EIF4E1B: variants seen among roughly 807,000 people sequenced by gnomAD.
EIF4E1B encodes eukaryotic translation initiation factor 4E family member 1B, also known as eukaryotic translation initiation factor 4E type 1B.
Under a neutral mutation model 31.3 loss-of-function variants are expected in EIF4E1B, and 22 were observed. The observed-to-expected ratio is 0.70, with a 90% confidence interval of 0.50 to 1.00. The LOEUF is 1.00. EIF4E1B is among the 50% of genes least tolerant of loss of function. EIF4E1B has a pLI of 0.00. For synonymous variants in EIF4E1B, 126 were observed against 120.2 expected, an observed-to-expected ratio of 1.05 and a Z score of -0.31; for missense variants, 290 against 311.6, an observed-to-expected ratio of 0.93 and a Z score of 0.52.
At position 176,646,549 on chromosome 5, in the gene EIF4E1B, C is replaced by G. The variant is rs1337637795; in HGVS notation, c.*569C>G. 1.3e-5 allele frequency: 2 copies of G among 152,402 alleles called. No homozygotes were observed. The highest frequency in any genetic ancestry group is 4.8e-5 in the African/African-American group (2 of 41,420). The allele number at this position is 152,402 out of a possible 1,614,324, so 9.4% of individuals were successfully genotyped here. ...TGGAGGGATGCTGGGCTAGGCCTCACCAAGGTTCTGGTAGAAGTGGTGGAA... is the reference window on the plus strand; with the variant it reads ...TGGAGGGATGCTGGGCTAGGCCTCAGCAAGGTTCTGGTAGAAGTGGTGGAA... On this transcript the variant is annotated 3_prime_UTR_variant, in exon 9 of 9. Transcript: ENST00000318682.
intron 4 of EIF4E1B, 131 bp downstream of exon 4, chr5:176,643,397 A>AGGTC: frequency 1.6e-6 from 2 of 1,220,650 alleles, no homozygotes; most frequent in Non-Finnish European, 2.3e-6. Context: ...GGGCTGACCT[A>AGGTC]AGCCTTGGGC....
chr5:176,644,450 C>T lies in EIF4E1B; in HGVS notation c.360+11C>T, dbSNP rs1049774702. The T allele has an allele frequency of 6.3e-6, 10 of 1,592,002 alleles. No homozygotes were observed. The highest frequency in any genetic ancestry group is 8.6e-6 in the Non-Finnish European group (10 of 1,168,992). ...TACGCCCTCTTCAAGGTAAGCTCTG[C>T]TCTCCTCTTTCCCTCCCGCAAAGGG... On this transcript the variant is annotated intron_variant, in intron 6 of 8. Transcript: ENST00000318682.
At chr5:176,632,219 A>C (rs1433961675) in intron 1 of EIF4E1B, among the ~76,000 whole-genome samples, 1 of 152,214 alleles carries the variant, frequency 6.6e-6, no homozygotes, top group Non-Finnish European at 1.5e-5. Context: ...CTTATATACA[A>C]ACATACACAT....
chr5:176,635,027 G>C (rs116094744), intron 1 of EIF4E1B, among the ~76,000 whole-genome samples: 2,816 of 152,124 alleles, frequency 0.019, 83 homozygotes, highest in African/African-American at 0.059. Context: ...GCCCCACTGG[G>C]TTTGGAGTCA....
At position 176,646,141 on chromosome 5, in the gene EIF4E1B, T is replaced by G; in HGVS notation, c.*161T>G. ...TTAACATGAGTTGGGGCCTGAGCCT[T>G]AGGGGCTAGATGGGGGTAGTGGTGG... On this transcript the variant is annotated 3_prime_UTR_variant, in exon 9 of 9. Coordinates refer to ENST00000318682, the MANE Select transcript of EIF4E1B (RefSeq NM_001099408.2). 1 of 640,046 alleles carries G rather than the reference T, an allele frequency of 1.6e-6. No homozygotes were observed. Among genetic ancestry groups the G allele is most frequent in the Non-Finnish European group, 2.7e-6 (1 of 365,106 alleles). 39.6% of individuals were successfully genotyped at this position (640,046 alleles called of 1,614,324 possible).
intron 1 of EIF4E1B, among the ~76,000 whole-genome samples, chr5:176,634,222 G>A (rs1040409868): frequency 6.6e-6 from 1 of 152,152 alleles, no homozygotes; most frequent in Non-Finnish European, 1.5e-5. Context: ...GCAGACACTA[G>A]GGTATCTGAG....
chr5:176,645,753 A>G lies in EIF4E1B; in HGVS notation c.615-113A>G, dbSNP rs979195772. 8.8e-7 allele frequency: 1 copy of G among 1,139,888 alleles called. No individual in the cohort carries two copies. Among genetic ancestry groups the G allele is most frequent in the Non-Finnish European group, 1.2e-6 (1 of 816,122 alleles). 70.6% of individuals were successfully genotyped at this position (1,139,888 alleles called of 1,614,324 possible). On this transcript the variant is annotated intron_variant, in intron 8 of 8. Coordinates refer to ENST00000318682, the MANE Select transcript of EIF4E1B (RefSeq NM_001099408.2). This position sits in a 1 kb window ranked among gnomAD's most constrained non-coding sequence, Gnocchi z 5.4. ...TTGGGTTTCCACATGGGTAAGACAC[A>G]ACAGGTGTGGCTGTGGCCAGAATGA...
intron 1 of EIF4E1B, among the ~76,000 whole-genome samples, chr5:176,640,601 G>A (rs1389686266): frequency 6.6e-6 from 1 of 152,084 alleles, no homozygotes; most frequent in Non-Finnish European, 1.5e-5. Flanking sequence ...GACTACATTA[G>A]CATCCTAGTC....
chr5:176,640,495 ATCT>A (rs1432300315), intron 1 of EIF4E1B, among the ~76,000 whole-genome samples: 1 of 152,186 alleles, frequency 6.6e-6, no homozygotes, highest in Non-Finnish European at 1.5e-5. Flanking sequence ...TCCAGGGCCT[ATCT>A]ATCACTAAAT....
chr5:176,634,819 G>A (rs1267319713), intron 1 of EIF4E1B, among the ~76,000 whole-genome samples: 6 of 151,624 alleles, frequency 4.0e-5, no homozygotes, highest in South Asian at 2.1e-4. Flanking sequence ...ACAGGCACCC[G>A]CCACCACACC....
rs1760679015 is a variant in EIF4E1B, at chr5:176,645,500, G to A, written c.598G>A (p.Gly200Ser). Reference sequence around the variant, plus strand: ...GACGAGGGAGGCGGAAAACCAGGCGGGCGTGCTGCACGTTGGGTGAGGAGG... The same window carrying A: ...GACGAGGGAGGCGGAAAACCAGGCGAGCGTGCTGCACGTTGGGTGAGGAGG... ...VWTREAENQA[G>S]VLHVGRVYKE... Residue 200 changes from glycine (G) to serine (S), a missense_variant, in exon 8 of 9, where the codon GGC becomes AGC. Transcript: ENST00000318682. This position sits in a 1 kb window ranked among gnomAD's most constrained non-coding sequence, Gnocchi z 5.4. 1 of 1,518,472 alleles carries A rather than the reference G, an allele frequency of 6.6e-7. No individual in the cohort carries two copies. Among genetic ancestry groups the A allele is most frequent in the Non-Finnish European group, 8.8e-7 (1 of 1,135,834 alleles). The allele number at this position is 1,518,472 out of a possible 1,614,324, so 94.1% of individuals were successfully genotyped here.
intron 6 of EIF4E1B, 150 bp downstream of exon 6, chr5:176,644,589 C>A: frequency 1.1e-6 from 1 of 897,036 alleles, no homozygotes; most frequent in Non-Finnish European, 1.7e-6. Context: ...AGGAAATGCT[C>A]TACAGGAGCC....
chr5:176,645,498 C>A lies in EIF4E1B; in HGVS notation c.596C>A (p.Ala199Glu). 4 of 1,515,642 alleles carry A rather than the reference C, an allele frequency of 2.6e-6. No homozygotes were observed. The highest frequency in any genetic ancestry group is 2.3e-5 in the East Asian group (1 of 43,194). 93.9% of individuals were successfully genotyped at this position (1,515,642 alleles called of 1,614,324 possible). ...TGGACGAGGGAGGCGGAAAACCAGG[C>A]GGGCGTGCTGCACGTTGGGTGAGGA... ...AVWTREAENQ[A>E]GVLHVGRVYK... Residue 199 changes from alanine to glutamate, a missense_variant, in exon 8 of 9, where the codon GCG becomes GAG. Physicochemically the swap from Ala to Glu is moderately radical, Grantham distance 107. Coordinates refer to ENST00000318682, the MANE Select transcript of EIF4E1B (RefSeq NM_001099408.2). The surrounding 1 kb of genome is among the most constrained non-coding windows in gnomAD (Gnocchi z 5.4).
chr5:176,642,866 G>GA, intron 3 of EIF4E1B, 64 bp downstream of exon 3: 1 of 501,542 alleles, frequency 2.0e-6, no homozygotes, highest in Non-Finnish European at 2.8e-6. Flanking sequence ...CCCCCCCCCC[G>GA]CCCCAGGTGG....
chr5:176,642,851 T>TACCCCCC, intron 3 of EIF4E1B, 49 bp downstream of exon 3: 2 of 998,544 alleles, frequency 2.0e-6, no homozygotes, highest in Non-Finnish European at 1.3e-6. Context: ...CCCCGCCCTC[T>TACCCCCC]CCCCCCCCCC....
At chr5:176,637,687 T>C (rs983212470) in intron 1 of EIF4E1B, among the ~76,000 whole-genome samples, 1 of 151,968 alleles carries the variant, frequency 6.6e-6, no homozygotes, top group African/African-American at 2.4e-5. Flanking sequence ...GGCTGGCACA[T>C]CTGAAGATCT....
chr5:176,644,734 C>A, intron 6 of EIF4E1B: 1 of 509,038 alleles, frequency 2.0e-6, no homozygotes, highest in Non-Finnish European at 3.5e-6. Context: ...TCATTGATGC[C>A]ACACCCATCC....
rs1760658917 is a variant in EIF4E1B, at chr5:176,644,652, G to A, written c.360+213G>A. 9 of 558,850 alleles carry A rather than the reference G, an allele frequency of 1.6e-5. No homozygotes were observed. In the East Asian group the frequency reaches 2.8e-4, roughly 17 times the overall value. The allele number at this position is 558,850 out of a possible 1,614,324, so 34.6% of individuals were successfully genotyped here. A position where few individuals can be genotyped will look rare whatever the true frequency, so the allele number is the denominator to read the frequency against. On this transcript the variant is annotated intron_variant, in intron 6 of 8. Coordinates refer to ENST00000318682, the MANE Select transcript of EIF4E1B (RefSeq NM_001099408.2). ...CACCTTGGAGGACCTTAAGAGGCGG[G>A]AAGAGGGAGAGGGAGAGATTTCTGA... is the stretch of plus-strand genomic sequence containing the variant.
intron 1 of EIF4E1B, among the ~76,000 whole-genome samples, chr5:176,633,899 G>T (rs1760451338): frequency 1.3e-5 from 2 of 152,200 alleles, no homozygotes; most frequent in South Asian, 4.1e-4. Flanking sequence ...GATAAGGCTG[G>T]CTGTAGAAAG....
Sources: gnomAD v4.1 joint callset for allele counts (sites outside exome capture counted in the v4.1 genomes callset) on GRCh38, gnomAD v4.1.1 for gene constraint, Gnocchi (gnomAD v3.1) non-coding constraint, MANE v1.5 for transcripts, NCBI Gene and HGNC (gene_info 2026-07-23, HGNC 2026-07-21) for gene names.